Variants in RFX2 observed in about 807,000 individuals in gnomAD.
RFX2 encodes regulatory factor X2.
A neutral mutation model predicts 87.8 loss-of-function variants in RFX2; 20 were observed. The ratio of observed to expected loss-of-function variants is 0.23; its 90% CI spans 0.16 to 0.33. The LOEUF (loss-of-function observed/expected upper bound fraction) is 0.33, where lower values mean the gene tolerates loss of function less well. Ranked by LOEUF, RFX2 falls within the 10% of genes least tolerant of loss-of-function variation. The pLI, the probability that RFX2 is intolerant of heterozygous loss-of-function variation, is 1.00. For missense variants in RFX2, 767 were observed against 1,012.3 expected, an observed-to-expected ratio of 0.76 and a Z score of 3.29; for synonymous variants, 397 against 431.3, an observed-to-expected ratio of 0.92 and a Z score of 0.98.
intron 1 of RFX2, among the ~76,000 whole-genome samples, chr19:6,052,452 A>T (rs975666498): frequency 2.0e-5 from 3 of 152,228 alleles, no homozygotes; most frequent in African/African-American, 7.2e-5. Context: ...AACATCCTTC[A>T]TTCAGTAATT....
At chr19:5,995,196 C>T (rs545576239) in intron 17 of RFX2, among the ~76,000 whole-genome samples, 2 of 152,302 alleles carry the variant, frequency 1.3e-5, no homozygotes, top group South Asian at 2.1e-4. Flanking sequence ...TTCCCAGCGC[C>T]GACGGGCCTG....
intron 1 of RFX2, among the ~76,000 whole-genome samples, chr19:6,093,226 C>G (rs1438010612): frequency 2.0e-5 from 3 of 152,082 alleles, no homozygotes; most frequent in Non-Finnish European, 4.4e-5. Flanking sequence ...GAAGGTATAA[C>G]CAAAATGCCT....
Position 6,004,130 on chromosome 19 carries a change from TC to T in RFX2, c.1500+70del. 8.8e-7 allele frequency: 1 copy of T among 1,135,872 alleles called. No homozygotes were observed. 70.4% of individuals were successfully genotyped at this position (1,135,872 alleles called of 1,614,324 possible). A position where few individuals can be genotyped will look rare whatever the true frequency, so the allele number is the denominator to read the frequency against. ...GCCAGCGCTCTCTGGGACACAGTGG[TC>T]CTCATGCTGTCCTGGACTGGAGCCC... On this transcript the variant is annotated intron_variant, in intron 13 of 17. Transcript: ENST00000303657. This position sits in a 1 kb window ranked among gnomAD's most constrained non-coding sequence, Gnocchi z 4.8.
chr19:6,084,815 G>A (rs940725258), intron 1 of RFX2, among the ~76,000 whole-genome samples: 3 of 151,974 alleles, frequency 2.0e-5, no homozygotes, highest in Non-Finnish European at 2.9e-5. Flanking sequence ...TATATTTTTA[G>A]TAGAGGCTGG....
Position 6,020,638 on chromosome 19 carries a change from C to T in RFX2, c.598-4367G>A, listed in dbSNP as rs909615523. On this transcript the variant is annotated intron_variant, in intron 6 of 17. Transcript: ENST00000303657. The surrounding 1 kb of genome is among the most constrained non-coding windows in gnomAD (Gnocchi z 5.3). Reference sequence around the variant, plus strand: ...GCATCACAGGTCAGTTCCGTGAAACCGACCACGAGGGTCCAGCCGCTCCAA... The same window carrying T: ...GCATCACAGGTCAGTTCCGTGAAACTGACCACGAGGGTCCAGCCGCTCCAA... 1.1e-4 allele frequency among the ~76,000 whole-genome samples: 17 copies of T among 152,202 alleles called. No homozygotes were observed. The highest frequency in any genetic ancestry group is 1.8e-4 in the Non-Finnish European group (12 of 68,030).
chr19:6,048,571 A>C (rs142070849), intron 1 of RFX2, among the ~76,000 whole-genome samples: 4 of 152,122 alleles, frequency 2.6e-5, no homozygotes, highest in African/African-American at 9.7e-5. Flanking sequence ...TGGGGTCTCC[A>C]TGGCTCCTGC....
chr19:6,023,993 T>C lies in RFX2; in HGVS notation c.597+2170A>G, dbSNP rs1031974163. Among the ~76,000 whole-genome samples the C allele has an allele frequency of 2.6e-5, 4 of 152,182 alleles. No homozygotes were observed. Among genetic ancestry groups the C allele is most frequent in the African/African-American group, 9.7e-5 (4 of 41,446 alleles). ...TGGGGTTTCGTCATGTTGGTCAGGC[T>C]GGTCTGGAACTCCTGACCTCAAGTG... On this transcript the variant is annotated intron_variant, in intron 6 of 17. Coordinates refer to ENST00000303657, the MANE Select transcript of RFX2 (RefSeq NM_000635.4). This position sits in a 1 kb window ranked among gnomAD's most constrained non-coding sequence, Gnocchi z 4.9.
Position 6,008,182 on chromosome 19 carries a change from C to T in RFX2, c.1058G>A (p.Gly353Asp). The change falls in exon 10 of 18, where the codon GGC becomes GAC. Residue 353 changes from glycine (G) to aspartate (D), a missense_variant. By Grantham distance (94) the Gly-to-Asp change is moderately conservative (BLOSUM62 -1). Coordinates refer to ENST00000303657, the MANE Select transcript of RFX2 (RefSeq NM_000635.4). ...VFPEFPAPDLGSFLLQDGVTL... is the reference protein window; with the variant it reads ...VFPEFPAPDLDSFLLQDGVTL... ...GACGCCGTCCTGCAGCAGGAAGCTGCCCAGGTCGGGCGCTGGGAACTCGGG... is the reference window on the plus strand; with the variant it reads ...GACGCCGTCCTGCAGCAGGAAGCTGTCCAGGTCGGGCGCTGGGAACTCGGG... 6.4e-7 allele frequency: 1 copy of T among 1,560,944 alleles called. No homozygotes were observed. The highest frequency in any genetic ancestry group is 8.7e-7 in the Non-Finnish European group (1 of 1,150,510).
At position 6,004,114 on chromosome 19, in the gene RFX2, C is replaced by T. The variant is rs2086539117; in HGVS notation, c.1500+87G>A. 3 of 1,032,198 alleles carry T rather than the reference C, an allele frequency of 2.9e-6. No individual in the cohort carries two copies. Among genetic ancestry groups the T allele is most frequent in the South Asian group, 1.3e-5 (1 of 78,836 alleles). The allele number at this position is 1,032,198 out of a possible 1,614,324, so 63.9% of individuals were successfully genotyped here. Reference sequence around the variant, plus strand: ...ATGACGCAGGGAAGAAGCCAGCGCTCTCTGGGACACAGTGGTCCTCATGCT... The same window carrying T: ...ATGACGCAGGGAAGAAGCCAGCGCTTTCTGGGACACAGTGGTCCTCATGCT... On this transcript the variant is annotated intron_variant, in intron 13 of 17. Coordinates refer to ENST00000303657, the MANE Select transcript of RFX2 (RefSeq NM_000635.4). The surrounding 1 kb of genome is among the most constrained non-coding windows in gnomAD (Gnocchi z 4.8).
At chr19:6,055,443 T>G (rs977356322) in intron 1 of RFX2, among the ~76,000 whole-genome samples, 2 of 152,234 alleles carry the variant, frequency 1.3e-5, no homozygotes, top group African/African-American at 4.8e-5. Context: ...TTTTGTTTTT[T>G]GTTTTTGAGA....
In RFX2 at chr19:6,094,261, T is replaced by G. The variant is rs188849892; in HGVS notation, c.-9+16132A>C. Among the ~76,000 whole-genome samples the G allele has an allele frequency of 2.1e-3, 321 of 152,204 alleles. 1 individual carries two copies. Among genetic ancestry groups the G allele is most frequent in the African/African-American group, 7.5e-3 (312 of 41,516 alleles). Reference sequence around the variant, plus strand: ...TCTTTTTTACAATTTGGATTTTTTTTTAATGATGAAAACGTAAGACTTTTA... The same window carrying G: ...TCTTTTTTACAATTTGGATTTTTTTGTAATGATGAAAACGTAAGACTTTTA... On this transcript the variant is annotated intron_variant, in intron 1 of 17. Coordinates refer to ENST00000303657, the MANE Select transcript of RFX2 (RefSeq NM_000635.4).
chr19:6,031,423 C>CTTTTTTTTTTTT (rs58834364), intron 5 of RFX2, among the ~76,000 whole-genome samples: 10 of 90,180 alleles, frequency 1.1e-4, no homozygotes, highest in South Asian at 5.1e-4. Flanking sequence ...TTCTCCTTCC[C>CTTTTTTTTTTTT]TTTTTTTTTT....
At chr19:6,018,980 G>A (rs561602117) in intron 6 of RFX2, among the ~76,000 whole-genome samples, 27 of 152,248 alleles carry the variant, frequency 1.8e-4, no homozygotes, top group African/African-American at 5.8e-4. Flanking sequence ...TCAGCACCAG[G>A]GACCCCTCGC....
intron 1 of RFX2, chr19:6,109,510 G>A (rs1358742499): frequency 6.6e-6 from 1 of 152,310 alleles, no homozygotes; most frequent in Admixed American, 6.5e-5. Flanking sequence ...GGTTCCAGGG[G>A]TGCCCCCAAA....
chr19:6,006,653 T>C (rs938969385), intron 12 of RFX2, among the ~76,000 whole-genome samples: 1 of 152,020 alleles, frequency 6.6e-6, no homozygotes, highest in African/African-American at 2.4e-5. Flanking sequence ...TTTCAGCATG[T>C]TGGTCACACT....
intron 1 of RFX2, chr19:6,072,831 C>G: frequency 7.8e-7 from 1 of 1,276,854 alleles, no homozygotes; most frequent in Non-Finnish European, 1.1e-6. Context: ...TCATGGCCGC[C>G]CTCAGACCCC....
At chr19:6,059,606 G>A (rs186655767) in intron 1 of RFX2, among the ~76,000 whole-genome samples, 9 of 152,180 alleles carry the variant, frequency 5.9e-5, no homozygotes, top group Admixed American at 3.9e-4. Flanking sequence ...GCAGCAGCTG[G>A]TGCTCTGTCC....
At chr19:6,062,303 C>T (rs951299898) in intron 1 of RFX2, among the ~76,000 whole-genome samples, 6 of 152,212 alleles carry the variant, frequency 3.9e-5, no homozygotes, top group Non-Finnish European at 8.8e-5. Context: ...GCGGGCAAAG[C>T]TGGTATACGT....
chr19:6,041,994 C>T (rs774761297), intron 4 of RFX2, 50 bp downstream of exon 4: 1 of 1,509,582 alleles, frequency 6.6e-7, no homozygotes, highest in South Asian at 1.1e-5. Flanking sequence ...GTGGCAAAGG[C>T]TGGAGTCAGG....
Sources: allele counts gnomAD v4.1 joint callset (sites outside exome capture counted in the v4.1 genomes callset), GRCh38; gene constraint gnomAD v4.1.1; non-coding constraint Gnocchi (gnomAD v3.1); transcripts MANE v1.5; gene names NCBI Gene and HGNC (gene_info 2026-07-23, HGNC 2026-07-21).